The following RABEP1 variants were observed in gnomAD, a reference collection of about 807,000 sequenced individuals.
RABEP1 encodes rab GTPase-binding effector protein 1.
RABEP1 carries 51 observed loss-of-function variants against 123.4 expected under a neutral mutation model. The ratio of observed to expected loss-of-function variants is 0.41; its 90% CI spans 0.33 to 0.52. The LOEUF (loss-of-function observed/expected upper bound fraction) is 0.52. Ranked by LOEUF, RABEP1 falls within the 20% of genes least tolerant of loss-of-function variation. The pLI is 0.16. For missense variants in RABEP1, 888 were observed against 996.3 expected, an observed-to-expected ratio of 0.89 and a Z score of 1.46; for synonymous variants, 347 against 355.2, an observed-to-expected ratio of 0.98 and a Z score of 0.26.
chr17:5,340,233 TA>T (rs1416671900), intron 5 of RABEP1, among the ~76,000 whole-genome samples: 2 of 152,202 alleles, frequency 1.3e-5, no homozygotes, highest in African/African-American at 2.4e-5. Flanking sequence ...ACATAATAGT[TA>T]AGAGCTCAGC....
rs190144422 is a variant in RABEP1, at chr17:5,383,430, C to T, written c.*207C>T. The T allele has an allele frequency of 2.2e-3, 1,209 of 541,966 alleles. 3 individuals carry two copies. Among genetic ancestry groups the T allele is most frequent in the Middle Eastern group, 4.0e-3 (8 of 2,018 alleles). The allele number at this position is 541,966 out of a possible 1,614,324, so 33.6% of individuals were successfully genotyped here. On this transcript the variant is annotated 3_prime_UTR_variant, in exon 18 of 18. Transcript: ENST00000537505. ...TCTGCAGCCCAGAGACCTTCAAATG[C>T]GAACACTATAAACTCCAGGCTTGAT...
chr17:5,381,327 T>G, intron 16 of RABEP1, 62 bp from the exon 17 acceptor site: 2 of 1,579,396 alleles, frequency 1.3e-6, no homozygotes, highest in Non-Finnish European at 1.7e-6. Context: ...TACAAGTTAC[T>G]GGATTTCCTA....
Position 5,384,614 on chromosome 17 carries a change from T to A in RABEP1, c.*1391T>A, listed in dbSNP as rs757963448. 1.5e-4 allele frequency: 32 copies of A among 214,726 alleles called. No homozygotes were observed. The highest frequency in any genetic ancestry group is 2.6e-4 in the Non-Finnish European group (28 of 106,728). 13.3% of individuals were successfully genotyped at this position (214,726 alleles called of 1,614,324 possible). On this transcript the variant is annotated 3_prime_UTR_variant, in exon 18 of 18. Coordinates refer to ENST00000537505, the MANE Select transcript of RABEP1 (RefSeq NM_004703.6). ...TCACTATGGACTTACCCTAAAGATC[T>A]TCTGTACTTCTGTCTTCCATAGGAC...
rs752242064 is a variant in RABEP1, at chr17:5,346,908, G to A, written c.767G>A (p.Arg256Gln). ...SVLQEDAEKL[R>Q]KELHEVCHLL... Reference sequence around the variant, plus strand: ...CTACAGGAAGATGCTGAGAAACTGCGGAAAGAATTGCATGAAGGTAAATAT... The same window carrying A: ...CTACAGGAAGATGCTGAGAAACTGCAGAAAGAATTGCATGAAGGTAAATAT... The change falls in exon 6 of 18, where the codon CGG (arginine) becomes CAG (glutamine). Residue 256 changes from arginine (R) to glutamine (Q), a missense_variant. Transcript: ENST00000537505. 6 of 1,601,992 alleles carry A rather than the reference G, an allele frequency of 3.7e-6. No individual in the cohort carries two copies. The highest frequency in any genetic ancestry group is 3.4e-5 in the South Asian group (3 of 89,020).
intron 1 of RABEP1, among the ~76,000 whole-genome samples, chr17:5,293,545 T>A (rs1262060400): frequency 2.6e-5 from 4 of 152,256 alleles, no homozygotes; most frequent in South Asian, 4.1e-4. Context: ...CTGAGGGCCC[T>A]ATAGGCACAT....
At chr17:5,373,109 G>C (rs976147670) in intron 12 of RABEP1, among the ~76,000 whole-genome samples, 1 of 152,176 alleles carries the variant, frequency 6.6e-6, no homozygotes, top group African/African-American at 2.4e-5. Context: ...ATGAGCCTCA[G>C]ATACTTGCTT....
chr17:5,357,841 G>A (rs72634028), intron 8 of RABEP1, among the ~76,000 whole-genome samples: 14,435 of 152,230 alleles, frequency 0.095, 1,606 homozygotes, highest in East Asian at 0.48. Flanking sequence ...GAGCAGGAGC[G>A]AGAGAAAAGC....
At chr17:5,365,068 A>G (rs1224195159) in intron 10 of RABEP1, 54 bp from the exon 11 acceptor site, 12 of 1,260,082 alleles carry the variant, frequency 9.5e-6, no homozygotes, top group South Asian at 2.8e-5. Context: ...ATTTAAAAAA[A>G]AAAAAATTAT....
chr17:5,293,408 T>C (rs9912827), intron 1 of RABEP1, among the ~76,000 whole-genome samples: 152,273 of 152,304 alleles, frequency 1, 76,121 homozygotes, highest in Middle Eastern at 1. Flanking sequence ...GTATTTTCCA[T>C]GTTTTTTCTT....
chr17:5,361,724 TG>T (rs766543098), intron 9 of RABEP1, 49 bp downstream of exon 9: 1 of 1,432,876 alleles, frequency 7.0e-7, no homozygotes, highest in South Asian at 1.4e-5. Flanking sequence ...TGAGGCACAC[TG>T]GGAAGCTCTG....
At chr17:5,382,905 GGAT>G (rs989150087) in intron 17 of RABEP1, among the ~76,000 whole-genome samples, 1 of 151,358 alleles carries the variant, frequency 6.6e-6, no homozygotes, top group African/African-American at 2.5e-5. Flanking sequence ...GGGCTGGCCT[GGAT>G]GATGAGCAAA....
intron 2 of RABEP1, among the ~76,000 whole-genome samples, chr17:5,311,256 A>C (rs907055327): frequency 6.6e-6 from 1 of 152,210 alleles, no homozygotes; most frequent in Non-Finnish European, 1.5e-5. Context: ...TACTGTTCAG[A>C]GACCATACTT....
chr17:5,324,723 CTTAT>C (rs1054057263), intron 2 of RABEP1, among the ~76,000 whole-genome samples: 15 of 152,172 alleles, frequency 9.9e-5, no homozygotes, highest in Admixed American at 8.5e-4. Flanking sequence ...AGAAGCAAAT[CTTAT>C]TTAAACACAA....
At chr17:5,311,158 C>T (rs1460567220) in intron 2 of RABEP1, among the ~76,000 whole-genome samples, 1 of 152,120 alleles carries the variant, frequency 6.6e-6, no homozygotes, top group East Asian at 1.9e-4. Flanking sequence ...ACAAGGATTA[C>T]TGGCTTCCCC....
chr17:5,352,406 T>C (rs931009429), intron 7 of RABEP1, among the ~76,000 whole-genome samples: 1 of 151,670 alleles, frequency 6.6e-6, no homozygotes, highest in Non-Finnish European at 1.5e-5. Context: ...TTGCCCAGGC[T>C]GGTCTCAAAC....
chr17:5,287,602 A>C (rs1451541394), intron 1 of RABEP1, among the ~76,000 whole-genome samples: 560 of 80,612 alleles, frequency 6.9e-3, no homozygotes, highest in Non-Finnish European at 0.012. Flanking sequence ...CTGTCGCAAA[A>C]AAAAAAAAAA....
chr17:5,349,214 A>T (rs763374135), intron 6 of RABEP1, among the ~76,000 whole-genome samples: 12 of 152,190 alleles, frequency 7.9e-5, no homozygotes, highest in Non-Finnish European at 8.8e-5. Flanking sequence ...CGTTTTAGAA[A>T]GTTCAGTCTC....
chr17:5,338,625 T>C (rs557977632), intron 5 of RABEP1, among the ~76,000 whole-genome samples: 3 of 152,326 alleles, frequency 2.0e-5, no homozygotes, highest in South Asian at 2.1e-4. Flanking sequence ...TTTGCTCTTA[T>C]GGACATTTAA....
In RABEP1 at chr17:5,383,268, C is replaced by T. The variant is rs367839964; in HGVS notation, c.*45C>T. On this transcript the variant is annotated 3_prime_UTR_variant, in exon 18 of 18. Transcript: ENST00000537505. ...TAGCCTGCACTTTGGGTTTTTAACTCATCTTTAGAGCAACAGTAATTATTA... is the reference window on the plus strand; with the variant it reads ...TAGCCTGCACTTTGGGTTTTTAACTTATCTTTAGAGCAACAGTAATTATTA... 7.7e-6 allele frequency: 11 copies of T among 1,423,340 alleles called. No individual in the cohort carries two copies. The highest frequency in any genetic ancestry group is 5.1e-5 in the Admixed American group (3 of 59,346). The allele number at this position is 1,423,340 out of a possible 1,614,324, so 88.2% of individuals were successfully genotyped here.
Sources: allele counts gnomAD v4.1 joint callset (sites outside exome capture counted in the v4.1 genomes callset), GRCh38; gene constraint gnomAD v4.1.1; transcripts MANE v1.5; gene names NCBI Gene and HGNC (gene_info 2026-07-23, HGNC 2026-07-21).